The following SEMA3E variants were observed in gnomAD, a reference collection of about 807,000 sequenced individuals.
The protein encoded by SEMA3E is semaphorin-3E.
Under a neutral mutation model 93.6 loss-of-function variants are expected in SEMA3E, and 49 were observed. The observed-to-expected ratio is 0.52, with a 90% CI of 0.42 to 0.66. The LOEUF (loss-of-function observed/expected upper bound fraction) is 0.66. Ranked by LOEUF, SEMA3E falls within the 30% of genes least tolerant of loss-of-function variation. The pLI is 0.00. For missense variants in SEMA3E, 906 were observed against 964.8 expected (o/e 0.94, Z 0.81); for synonymous variants, 363 against 330.7 (o/e 1.10, Z -1.06).
intron 1 of SEMA3E, among the ~76,000 whole-genome samples, chr7:83,540,076 G>A (rs56042339): frequency 0.2 from 30,809 of 151,916 alleles, 3,337 homozygotes; most frequent in East Asian, 0.39. Flanking sequence ...TAGAGACGGC[G>A]TTTGCCATGT....
At chr7:83,442,253 T>C (rs776239888) in intron 4 of SEMA3E, among the ~76,000 whole-genome samples, 3 of 152,356 alleles carry the variant, frequency 2.0e-5, no homozygotes, top group Admixed American at 6.5e-5. Flanking sequence ...TTTCCATTTC[T>C]TTAATTAATA....
At chr7:83,374,442 GA>G (rs1425728429) in intron 16 of SEMA3E, among the ~76,000 whole-genome samples, 1 of 152,052 alleles carries the variant, frequency 6.6e-6, no homozygotes, top group Non-Finnish European at 1.5e-5. Context: ...TAATAATGCA[GA>G]AACTTCCACT....
At chr7:83,456,122 C>A (rs548818448) in intron 4 of SEMA3E, among the ~76,000 whole-genome samples, 1 of 152,136 alleles carries the variant, frequency 6.6e-6, no homozygotes, top group Non-Finnish European at 1.5e-5. Flanking sequence ...GTGCTAAAGT[C>A]GTCTCATTCT....
chr7:83,424,989 G>A (rs1788740876), intron 4 of SEMA3E: 1 of 235,542 alleles, frequency 4.2e-6, no homozygotes. Context: ...GACAAGTATA[G>A]TGGATCTATC....
intron 1 of SEMA3E, among the ~76,000 whole-genome samples, chr7:83,530,630 A>G (rs545095468): frequency 5.9e-4 from 90 of 152,162 alleles, no homozygotes; most frequent in Non-Finnish European, 1.1e-3. Context: ...TAATCCCAAC[A>G]CTTTGGGAGG....
chr7:83,442,590 T>C (rs970991662), intron 4 of SEMA3E, among the ~76,000 whole-genome samples: 2 of 135,422 alleles, frequency 1.5e-5, no homozygotes, highest in African/African-American at 6.4e-5. Context: ...TTGCTTGTTA[T>C]TTTTCTCTTT....
chr7:83,503,010 CTCT>C (rs1562809624), intron 1 of SEMA3E, among the ~76,000 whole-genome samples: 7 of 138,840 alleles, frequency 5.0e-5, no homozygotes, highest in African/African-American at 5.7e-5. Flanking sequence ...TTCTTTCTCT[CTCT>C]TTTTTTTTTT....
At chr7:83,588,298 A>G (rs955852213) in intron 1 of SEMA3E, among the ~76,000 whole-genome samples, 3 of 151,996 alleles carry the variant, frequency 2.0e-5, no homozygotes, top group Admixed American at 1.3e-4. Context: ...GGATAATTGC[A>G]TGAATCCCAG....
intron 14 of SEMA3E, among the ~76,000 whole-genome samples, chr7:83,388,260 G>C (rs1787924441): frequency 6.7e-6 from 1 of 148,370 alleles, no homozygotes; most frequent in South Asian, 2.1e-4. Context: ...AGTGAGCCAA[G>C]ATTGCACCAC....
At chr7:83,490,408 C>G in intron 1 of SEMA3E, 134 bp from the exon 2 acceptor site, 1 of 838,664 alleles carries the variant, frequency 1.2e-6, no homozygotes, top group Non-Finnish European at 1.9e-6. Context: ...CATATACTGG[C>G]AAAGAATTTT....
intron 4 of SEMA3E, among the ~76,000 whole-genome samples, chr7:83,460,398 T>G (rs1453463636): frequency 6.6e-6 from 1 of 151,902 alleles, no homozygotes; most frequent in Non-Finnish European, 1.5e-5. Flanking sequence ...GGAGACACAT[T>G]TTATCCGTGG....
rs149348314 is a variant in SEMA3E at position 83,526,878 on chromosome 7, C to T, written c.116-36604G>A. Among the ~76,000 whole-genome samples the T allele has an allele frequency of 2.5e-3, 373 of 152,236 alleles. 2 individuals carry two copies. The highest frequency in any genetic ancestry group is 0.019 in the South Asian group (93 of 4,824). On this transcript the variant is annotated intron_variant, in intron 1 of 16. Coordinates refer to ENST00000643230, the MANE Select transcript of SEMA3E (RefSeq NM_012431.3). ...CAAGTAGTCTCATATTGTGGCTGCA[C>T]GTGGATCAGCTCTGACTACCTCCAT...
At chr7:83,524,462 A>G (rs1377302225) in intron 1 of SEMA3E, among the ~76,000 whole-genome samples, 2 of 152,128 alleles carry the variant, frequency 1.3e-5, no homozygotes, top group Non-Finnish European at 2.9e-5. Context: ...TAAGTTAGCA[A>G]TTCTAGGAAT....
intron 1 of SEMA3E, among the ~76,000 whole-genome samples, chr7:83,536,326 C>A (rs1014222949): frequency 6.6e-6 from 1 of 151,638 alleles, no homozygotes; most frequent in Admixed American, 6.6e-5. Flanking sequence ...TGTCTTAGAC[C>A]AATGAAAATA....
intron 1 of SEMA3E, among the ~76,000 whole-genome samples, chr7:83,564,885 C>CA (rs1169270709): frequency 6.6e-6 from 1 of 151,916 alleles, no homozygotes; most frequent in Non-Finnish European, 1.5e-5. Flanking sequence ...AAAAACCCTC[C>CA]AAAAAATCAG....
At chr7:83,389,073 A>G (rs1787941663) in intron 14 of SEMA3E, among the ~76,000 whole-genome samples, 1 of 152,002 alleles carries the variant, frequency 6.6e-6, no homozygotes. Context: ...GAGATTTTAC[A>G]AAGTTAATAT....
chr7:83,640,823 C>T (rs1445962748), intron 1 of SEMA3E, among the ~76,000 whole-genome samples: 1 of 151,858 alleles, frequency 6.6e-6, no homozygotes, highest in Non-Finnish European at 1.5e-5. Flanking sequence ...GGGGTGGTGC[C>T]AGCCTCACAA....
chr7:83,574,720 G>T (rs563742693), intron 1 of SEMA3E, among the ~76,000 whole-genome samples: 1 of 152,250 alleles, frequency 6.6e-6, no homozygotes, highest in East Asian at 1.9e-4. Flanking sequence ...TAATCTGAGG[G>T]AGAATGAGGG....
At chr7:83,514,434 T>C (rs1487168850) in intron 1 of SEMA3E, among the ~76,000 whole-genome samples, 1 of 152,122 alleles carries the variant, frequency 6.6e-6, no homozygotes, top group African/African-American at 2.4e-5. Context: ...TCCTGTAACA[T>C]ATTTCTCTGT....
Sources: gnomAD v4.1 joint callset for allele counts (sites outside exome capture counted in the v4.1 genomes callset) on GRCh38, gnomAD v4.1.1 for gene constraint, MANE v1.5 for transcripts, NCBI Gene and HGNC (gene_info 2026-07-23, HGNC 2026-07-21) for gene names.